The following RBPJ variants were observed in gnomAD, a reference collection of about 807,000 sequenced individuals.
The protein encoded by RBPJ is recombination signal binding protein for immunoglobulin kappa J region, also known as recombining binding protein suppressor of hairless.
RBPJ carries 9 observed loss-of-function variants against 67.8 expected under a neutral mutation model. The observed-to-expected ratio is 0.13, with a 90% CI of 0.08 to 0.23. The LOEUF is 0.23. RBPJ is among the 10% of genes least tolerant of loss of function. The probability of loss-of-function intolerance (pLI) is 1.00; values close to 1 mark genes in which losing one functional copy is unlikely to be tolerated. For synonymous variants in RBPJ, 198 were observed against 203.3 expected (o/e 0.97, Z 0.22); for missense variants, 305 against 595.6 (o/e 0.51, Z 5.08).
At chr4:26,295,393 T>C (rs927072103) in intron 1 of RBPJ, among the ~76,000 whole-genome samples, 1 of 152,142 alleles carries the variant, frequency 6.6e-6, no homozygotes, top group African/African-American at 2.4e-5. Context: ...AAGTAGTTAA[T>C]GCTAGTAGTT....
rs372167567 is a variant in RBPJ, at chr4:26,217,526, A to G, written c.-167+53912A>G. ...GATGCAAGCAGACCCCGAAAGCCCA[A>G]TTACGTTTCTAGAATCTGAATGCCC... is the stretch of plus-strand genomic sequence containing the variant. On this transcript the variant is annotated intron_variant, in intron 1 of 4. Coordinates refer to the RBPJ transcript ENST00000512351. Among the ~76,000 whole-genome samples, 36 of 152,238 alleles carry G rather than the reference A, an allele frequency of 2.4e-4. No individual in the cohort carries two copies. In the East Asian group the frequency reaches 5.6e-3, roughly 24 times the overall value.
intron 1 of RBPJ, among the ~76,000 whole-genome samples, chr4:26,354,723 T>G (rs1727179854): frequency 6.6e-6 from 1 of 152,114 alleles, no homozygotes; most frequent in Admixed American, 6.5e-5. Flanking sequence ...GTGCTGCAGT[T>G]ACAGGCATGA....
At chr4:26,428,565 T>C in intron 7 of RBPJ, 155 bp from the exon 8 acceptor site, 1 of 564,016 alleles carries the variant, frequency 1.8e-6, no homozygotes, top group Non-Finnish European at 3.1e-6. Context: ...TCCTAGTCTT[T>C]TTGTTTGTGA....
At chr4:26,318,105 A>G (rs1056903334), upstream of RBPJ, among the ~76,000 whole-genome samples, 1 of 151,892 alleles carries the variant, frequency 6.6e-6, no homozygotes, top group Non-Finnish European at 1.5e-5. Flanking sequence ...TATAATCAAT[A>G]GGCAAACACA....
chr4:26,250,896 G>A (rs145297586), intron 1 of RBPJ, among the ~76,000 whole-genome samples: 344 of 152,246 alleles, frequency 2.3e-3, no homozygotes, highest in Non-Finnish European at 4.0e-3. Context: ...GTATTCCATC[G>A]TGTGATGTGA....
the RBPJ span, among the ~76,000 whole-genome samples, chr4:26,127,639 T>C: frequency 6.6e-6 from 1 of 152,172 alleles, no homozygotes; most frequent in Admixed American, 6.5e-5. Context: ...ACAGTTTGTA[T>C]AGGGAACAAA....
At chr4:26,185,419 C>A (rs1262395165) in intron 1 of RBPJ, among the ~76,000 whole-genome samples, 1 of 152,128 alleles carries the variant, frequency 6.6e-6, no homozygotes, top group Admixed American at 6.6e-5. Context: ...ATGCGTTTTC[C>A]TCACTGCTGC....
upstream of RBPJ, chr4:26,319,885 G>C: frequency 6.3e-7 from 1 of 1,587,508 alleles, no homozygotes; most frequent in Non-Finnish European, 8.6e-7. Flanking sequence ...ATGGGGGGCT[G>C]CAGGTAGGAG....
chr4:26,135,924 C>G, the RBPJ span, among the ~76,000 whole-genome samples: 1 of 152,264 alleles, frequency 6.6e-6, no homozygotes, highest in East Asian at 1.9e-4. Flanking sequence ...AAAGACATAC[C>G]TGAGACTGTA....
chr4:26,122,057 G>A, the RBPJ span, among the ~76,000 whole-genome samples: 6 of 151,984 alleles, frequency 3.9e-5, no homozygotes, highest in South Asian at 8.3e-4. Flanking sequence ...TTTGACCCAA[G>A]CAAGGCTAAT....
At chr4:26,220,714 A>T (rs1391862937) in intron 1 of RBPJ, among the ~76,000 whole-genome samples, 1 of 152,230 alleles carries the variant, frequency 6.6e-6, no homozygotes, top group Non-Finnish European at 1.5e-5. Flanking sequence ...CTCTTCTCAT[A>T]GGAATACTGC....
At chr4:26,287,276 G>A (rs554451982) in intron 1 of RBPJ, among the ~76,000 whole-genome samples, 14 of 152,040 alleles carry the variant, frequency 9.2e-5, no homozygotes, top group African/African-American at 1.2e-4. Flanking sequence ...ACAGTGGTTC[G>A]TGCCTGTAAT....
intron 1 of RBPJ, among the ~76,000 whole-genome samples, chr4:26,193,780 T>C (rs577842508): frequency 6.6e-6 from 1 of 152,242 alleles, no homozygotes; most frequent in African/African-American, 2.4e-5. Context: ...CTCCAGCTCC[T>C]TCCATAGCCC....
At chr4:26,421,435 C>T (rs541558741) in intron 5 of RBPJ, among the ~76,000 whole-genome samples, 83 of 152,162 alleles carry the variant, frequency 5.5e-4, no homozygotes, top group African/African-American at 2.0e-3. Context: ...TCCTGAGTAG[C>T]TGGGATTACA....
At chr4:26,226,872 A>G (rs1194226761) in intron 1 of RBPJ, among the ~76,000 whole-genome samples, 4 of 152,240 alleles carry the variant, frequency 2.6e-5, no homozygotes, top group Admixed American at 6.5e-5. Flanking sequence ...TAGGCTGAAC[A>G]TCACTGAAAT....
chr4:26,256,472 C>T (rs983872777), intron 1 of RBPJ, among the ~76,000 whole-genome samples: 1 of 152,056 alleles, frequency 6.6e-6, no homozygotes, highest in Non-Finnish European at 1.5e-5. Flanking sequence ...TATTTCTAGT[C>T]CATACCTAAC....
chr4:26,196,404 A>G (rs1717763764), intron 1 of RBPJ, among the ~76,000 whole-genome samples: 1 of 152,220 alleles, frequency 6.6e-6, no homozygotes, highest in Non-Finnish European at 1.5e-5. Context: ...ACAAGAAAGT[A>G]TATTAGTGGC....
At chr4:26,392,083 G>T (rs1731560271) in intron 2 of RBPJ, among the ~76,000 whole-genome samples, 1 of 152,082 alleles carries the variant, frequency 6.6e-6, no homozygotes, top group Admixed American at 6.6e-5. Flanking sequence ...CTCCTATTAG[G>T]TTTCAACATA....
chr4:26,274,635 C>CA lies in RBPJ; in HGVS notation c.-166-87802dup, dbSNP rs964827121. ...ATAGAGCGAGCGAGACCCTGTCTCT[C>CA]AAAAAAAAAGAAGAAGAAGGCTGGG... On this transcript the variant is annotated intron_variant, in intron 1 of 4. Coordinates refer to the RBPJ transcript ENST00000512351. 6.1e-5 allele frequency among the ~76,000 whole-genome samples: 9 copies of CA among 147,066 alleles called. 1 individual carries two copies. The highest frequency in any genetic ancestry group is 1.1e-4 in the Non-Finnish European group (7 of 66,618).
Sources: allele counts gnomAD v4.1 joint callset (sites outside exome capture counted in the v4.1 genomes callset), GRCh38; gene constraint gnomAD v4.1.1; transcripts MANE v1.5; gene names NCBI Gene and HGNC (gene_info 2026-07-23, HGNC 2026-07-21).